The following FTCDNL1 variants were observed in gnomAD, a reference collection of about 807,000 sequenced individuals.
FTCDNL1 encodes formiminotransferase N-terminal subdomain-containing protein.
A neutral mutation model predicts 5.9 loss-of-function variants in FTCDNL1; 11 were observed. The ratio of observed to expected loss-of-function variants is 1.87; its 90% confidence interval spans 1.18 to 3.10. FTCDNL1 has a LOEUF of 3.10. Ranked by LOEUF, FTCDNL1 falls within the 30% of genes most tolerant of loss-of-function variation. FTCDNL1 has a pLI of 0.00. For synonymous variants in FTCDNL1, 58 were observed against 24.8 expected, an observed-to-expected ratio of 2.34 and a Z score of -3.99; for missense variants, 115 against 65.5, an observed-to-expected ratio of 1.76 and a Z score of -2.61.
intron 3 of FTCDNL1, among the ~76,000 whole-genome samples, chr2:199,838,842 A>G (rs1702938309): frequency 6.6e-6 from 1 of 152,126 alleles, no homozygotes; most frequent in African/African-American, 2.4e-5. Flanking sequence ...AAAAGAGAGG[A>G]ATTAAAAGAA....
At chr2:199,781,366 C>A (rs1289645635) in intron 3 of FTCDNL1, among the ~76,000 whole-genome samples, 2 of 152,184 alleles carry the variant, frequency 1.3e-5, no homozygotes, top group Non-Finnish European at 2.9e-5. Context: ...ATTTCCTTTA[C>A]CTTGGAGGTC....
chr2:199,811,129 A>C lies in FTCDNL1; in HGVS notation c.*1576T>G, dbSNP rs1701012938. On this transcript the variant is annotated 3_prime_UTR_variant, in exon 5 of 5. Coordinates refer to ENST00000420128, the MANE Select transcript of FTCDNL1 (RefSeq NM_001363886.2). ...GAATCAGATTACAGTATTTCCCCAT[A>C]ATGCTGATTTCATAAAAATTAAATT... Among the ~76,000 whole-genome samples, 1 of 152,208 alleles carries C rather than the reference A, an allele frequency of 6.6e-6. No individual in the cohort carries two copies. Among genetic ancestry groups the C allele is most frequent in the Non-Finnish European group, 1.5e-5 (1 of 68,042 alleles).
At chr2:199,743,546 T>G in the FTCDNL1 span, among the ~76,000 whole-genome samples, 5 of 150,574 alleles carry the variant, frequency 3.3e-5, no homozygotes. Flanking sequence ...AAGGTGTAGA[T>G]GGAGTGGTGG....
At chr2:199,820,910 G>A (rs78577713) in intron 3 of FTCDNL1, among the ~76,000 whole-genome samples, 3,306 of 152,312 alleles carry the variant, frequency 0.022, 208 homozygotes, top group Admixed American at 0.12. Context: ...GATAGCAGGA[G>A]TGCAGGCCTT....
At chr2:199,712,980 G>T in the FTCDNL1 span, among the ~76,000 whole-genome samples, 2 of 151,990 alleles carry the variant, frequency 1.3e-5, no homozygotes, top group African/African-American at 4.8e-5. Flanking sequence ...TCTTTTTTGG[G>T]GACACAATTC....
At chr2:199,850,329 G>A (rs1363035933) in intron 1 of FTCDNL1, among the ~76,000 whole-genome samples, 1 of 152,190 alleles carries the variant, frequency 6.6e-6, no homozygotes, top group Non-Finnish European at 1.5e-5. Context: ...TTTTCAGTGT[G>A]TTTATGCAGC....
chr2:199,831,438 G>A (rs1398361001), intron 3 of FTCDNL1, among the ~76,000 whole-genome samples: 1 of 152,064 alleles, frequency 6.6e-6, no homozygotes, highest in African/African-American at 2.4e-5. Context: ...CCACAAACAG[G>A]AGAACAGACA....
chr2:199,831,206 G>GA (rs923496306), intron 3 of FTCDNL1, among the ~76,000 whole-genome samples: 2 of 152,106 alleles, frequency 1.3e-5, no homozygotes, highest in East Asian at 1.9e-4. Context: ...AAAATGCAAA[G>GA]AAAAAACTTA....
intron 3 of FTCDNL1, among the ~76,000 whole-genome samples, chr2:199,843,384 G>T (rs2076642553): frequency 6.6e-6 from 1 of 152,082 alleles, no homozygotes; most frequent in African/African-American, 2.4e-5. Flanking sequence ...TCATTATTCT[G>T]GTCTGGACAA....
rs76314462 is a variant in FTCDNL1 at position 199,792,876 on chromosome 2, A to T, written c.212-32041T>A. Among the ~76,000 whole-genome samples the T allele has an allele frequency of 1.5e-3, 228 of 152,296 alleles. 1 individual carries two copies. Among genetic ancestry groups the T allele is most frequent in the African/African-American group, 5.1e-3 (210 of 41,548 alleles). ...ATTTCCAAATATGCTAGTACCAAACATAAGTAATTTAACCATCAATACTGG... is the reference window on the plus strand; with the variant it reads ...ATTTCCAAATATGCTAGTACCAAACTTAAGTAATTTAACCATCAATACTGG... On this transcript the variant is annotated intron_variant, in intron 3 of 3. Transcript: ENST00000416668.
At chr2:199,807,287 G>T (rs1337078504), downstream of FTCDNL1, among the ~76,000 whole-genome samples, 1 of 152,182 alleles carries the variant, frequency 6.6e-6, no homozygotes, top group African/African-American at 2.4e-5. Context: ...AACAGAGAAA[G>T]AAAAGACAAA....
chr2:199,696,706 A>G, the FTCDNL1 span, among the ~76,000 whole-genome samples: 1 of 152,340 alleles, frequency 6.6e-6, no homozygotes, highest in South Asian at 2.1e-4. Flanking sequence ...ACAGATGAGA[A>G]TGAACTAGTG....
the FTCDNL1 span, among the ~76,000 whole-genome samples, chr2:199,752,970 T>C: frequency 6.6e-6 from 1 of 152,188 alleles, no homozygotes; most frequent in Non-Finnish European, 1.5e-5. Flanking sequence ...CTAATTGGTC[T>C]GTCTCATTGA....
chr2:199,713,821 T>A, the FTCDNL1 span, among the ~76,000 whole-genome samples: 2 of 152,194 alleles, frequency 1.3e-5, no homozygotes, highest in Admixed American at 1.3e-4. Context: ...ATTATTGGAC[T>A]AATTTTATAT....
chr2:199,732,770 C>T, the FTCDNL1 span, among the ~76,000 whole-genome samples: 5 of 152,280 alleles, frequency 3.3e-5, no homozygotes, highest in African/African-American at 9.6e-5. Flanking sequence ...CCTAACCCAT[C>T]GAACCCATGA....
intron 3 of FTCDNL1, among the ~76,000 whole-genome samples, chr2:199,776,812 G>A (rs1699096356): frequency 6.6e-6 from 1 of 151,952 alleles, no homozygotes; most frequent in Non-Finnish European, 1.5e-5. Context: ...AGAATGAATA[G>A]GATGTGTGTG....
At chr2:199,696,558 A>ACTG in the FTCDNL1 span, among the ~76,000 whole-genome samples, 2 of 152,124 alleles carry the variant, frequency 1.3e-5, no homozygotes, top group Admixed American at 1.3e-4. Flanking sequence ...GGCCACCTGA[A>ACTG]ATTGTGCAGA....
the FTCDNL1 span, among the ~76,000 whole-genome samples, chr2:199,708,171 TG>T: frequency 1.3e-5 from 2 of 152,094 alleles, no homozygotes; most frequent in African/African-American, 4.8e-5. Flanking sequence ...TGTCTTCAAA[TG>T]TACCACTTTT....
At chr2:199,773,263 C>T (rs980615647) in intron 3 of FTCDNL1, among the ~76,000 whole-genome samples, 6 of 152,156 alleles carry the variant, frequency 3.9e-5, no homozygotes, top group African/African-American at 1.4e-4. Context: ...CCCAACTATA[C>T]GTATATGCAT....
Sources: allele counts gnomAD v4.1 joint callset (sites outside exome capture counted in the v4.1 genomes callset), GRCh38; gene constraint gnomAD v4.1.1; transcripts MANE v1.5; gene names NCBI Gene and HGNC (gene_info 2026-07-23, HGNC 2026-07-21).